Variants in EDA observed in about 807,000 individuals in gnomAD.
EDA encodes the protein ectodysplasin-A.
EDA carries 2 observed loss-of-function variants against 23.6 expected under a neutral mutation model. The observed-to-expected ratio is 0.08, with a 90% CI of 0.03 to 0.27. EDA has a LOEUF of 0.27. Among genes scored for constraint, EDA ranks in the 10% least tolerant of loss-of-function variants. The pLI is 1.00. For synonymous variants in EDA, 131 were observed against 132.0 expected, an observed-to-expected ratio of 0.99 and a Z score of 0.05; for missense variants, 229 against 324.2, an observed-to-expected ratio of 0.71 and a Z score of 2.26.
chrX:69,920,439 C>T (rs951161876), intron 1 of EDA, among the ~76,000 whole-genome samples: 20 of 111,168 alleles, frequency 1.8e-4, no homozygotes, highest in African/African-American at 5.2e-4. Flanking sequence ...AAGATTCCAT[C>T]CAAGATGCCA....
At chrX:69,741,967 C>T (rs189297744) in intron 1 of EDA, among the ~76,000 whole-genome samples, 2 of 111,853 alleles carry the variant, frequency 1.8e-5, no homozygotes, top group African/African-American at 3.2e-5. Flanking sequence ...GTCTTCCTGC[C>T]CCCTGGGGAA....
rs181321738 is a variant in EDA, at chrX:69,648,891, G to A, written c.396+32187G>A. On this transcript the variant is annotated intron_variant, in intron 1 of 7. Transcript: ENST00000374552. ...TTGGACCCAAGGTCCTGGTGGTGTG[G>A]GGTCACAAGGTGATCTCCTGATCCA... Among the ~76,000 whole-genome samples, 8 of 111,715 alleles carry A rather than the reference G, an allele frequency of 7.2e-5. No individual in the cohort carries two copies. The East Asian group carries it at 2.3e-3, about 32-fold the overall frequency.
chrX:69,965,903 G>A (rs765344613), intron 2 of EDA, among the ~76,000 whole-genome samples: 3 of 111,005 alleles, frequency 2.7e-5, no homozygotes, highest in South Asian at 3.9e-4. Flanking sequence ...TTTTATTAGC[G>A]AATTGTGGTG....
intron 1 of EDA, among the ~76,000 whole-genome samples, chrX:69,883,528 C>T (rs961991716): frequency 3.0e-4 from 33 of 111,421 alleles, no homozygotes; most frequent in Non-Finnish European, 5.7e-4. Context: ...AGATTCTTGC[C>T]TTTATTGACT....
chrX:69,734,042 AT>A (rs1461859627), intron 1 of EDA, among the ~76,000 whole-genome samples: 2 of 110,645 alleles, frequency 1.8e-5, no homozygotes, highest in Non-Finnish European at 3.8e-5. Context: ...GTTTGGTGTA[AT>A]TTGCCAGTGA....
At chrX:69,812,366 A>G (rs1316273810) in intron 1 of EDA, among the ~76,000 whole-genome samples, 1 of 112,582 alleles carries the variant, frequency 8.9e-6, no homozygotes, top group African/African-American at 3.2e-5. Context: ...TTTGGATAAA[A>G]CCAAATATTG....
rs543464252 is a variant in EDA, at chrX:69,903,841, C to T, written c.397-53186C>T. 1.7e-4 allele frequency among the ~76,000 whole-genome samples: 19 copies of T among 110,283 alleles called. No homozygotes were observed. The East Asian group carries it at 2.0e-3, about 12-fold the overall frequency. ...TTTTGGTTTTTGTTTTGTTTTGAGA[C>T]GGACTGTTGCCCAGGCTGGAGTGCA... On this transcript the variant is annotated intron_variant, in intron 1 of 7. Coordinates refer to ENST00000374552, the MANE Select transcript of EDA (RefSeq NM_001399.5).
intron 1 of EDA, among the ~76,000 whole-genome samples, chrX:69,641,056 A>G (rs547903479): frequency 2.7e-5 from 3 of 111,475 alleles, no homozygotes; most frequent in African/African-American, 9.7e-5. Context: ...ATTTCCTTAT[A>G]AATTCTAGCC....
chrX:69,672,356 A>G (rs755129615), intron 1 of EDA: 2 of 112,138 alleles, frequency 1.8e-5, no homozygotes, highest in South Asian at 7.4e-4. Flanking sequence ...TGAGCCCCAA[A>G]AAGCAAATGG....
chrX:69,754,796 A>T (rs1019508451), intron 1 of EDA, among the ~76,000 whole-genome samples: 1 of 111,672 alleles, frequency 9.0e-6, no homozygotes, highest in African/African-American at 3.3e-5. Context: ...ACTTCATTTC[A>T]TTAATTTGAT....
At chrX:69,976,351 G>A (rs1280085530) in intron 2 of EDA, among the ~76,000 whole-genome samples, 1 of 111,256 alleles carries the variant, frequency 9.0e-6, no homozygotes, top group Non-Finnish European at 1.9e-5. Context: ...CTCAATGTTT[G>A]TGCCAAGCAG....
chrX:70,028,157 G>A, intron 4 of EDA, 121 bp downstream of exon 4: 2 of 1,098,225 alleles, frequency 1.8e-6, no homozygotes, highest in South Asian at 4.3e-5. Flanking sequence ...AATAAGGGAT[G>A]CAGATCTCCT....
intron 1 of EDA, among the ~76,000 whole-genome samples, chrX:69,703,859 C>A (rs1010531908): frequency 1.8e-5 from 2 of 111,722 alleles, no homozygotes; most frequent in Non-Finnish European, 3.8e-5. Context: ...ATCTATATTA[C>A]TTTTATTGTA....
At chrX:69,622,839 G>C (rs1414838138) in intron 1 of EDA, among the ~76,000 whole-genome samples, 2 of 111,059 alleles carry the variant, frequency 1.8e-5, no homozygotes, top group Non-Finnish European at 3.8e-5. Context: ...TTTACATTTA[G>C]GTCTATACTC....
intron 1 of EDA, among the ~76,000 whole-genome samples, chrX:69,938,696 C>G (rs2018711848): frequency 9.0e-6 from 1 of 111,692 alleles, no homozygotes; most frequent in African/African-American, 3.2e-5. Flanking sequence ...TCCTGGAGTT[C>G]CCTCAATTTT....
chrX:69,676,526 GT>G (rs1934090301), intron 1 of EDA, among the ~76,000 whole-genome samples: 1 of 110,896 alleles, frequency 9.0e-6, no homozygotes, highest in Non-Finnish European at 1.9e-5. Flanking sequence ...GTGCTTGTGT[GT>G]GTGTGTGTGT....
At chrX:69,711,549 A>G (rs773710578) in intron 1 of EDA, among the ~76,000 whole-genome samples, 2 of 111,552 alleles carry the variant, frequency 1.8e-5, no homozygotes, top group African/African-American at 6.5e-5. Context: ...TATTGATTGG[A>G]ATAGTTTCAG....
At chrX:69,722,562 G>C (rs1206723372) in intron 1 of EDA, among the ~76,000 whole-genome samples, 1 of 111,805 alleles carries the variant, frequency 8.9e-6, no homozygotes, top group Non-Finnish European at 1.9e-5. Context: ...GTTACTGATT[G>C]CAATTTGAAA....
At chrX:69,942,416 T>A (rs1242506328) in intron 1 of EDA, among the ~76,000 whole-genome samples, 1 of 111,454 alleles carries the variant, frequency 9.0e-6, no homozygotes, top group Non-Finnish European at 1.9e-5. Context: ...TCTGGGAAAG[T>A]CTTTATCTCT....
Sources: gnomAD v4.1 joint callset for allele counts (sites outside exome capture counted in the v4.1 genomes callset) on GRCh38, gnomAD v4.1.1 for gene constraint, MANE v1.5 for transcripts, NCBI Gene and HGNC (gene_info 2026-07-23, HGNC 2026-07-21) for gene names.